The following IGHMBP2 variants were observed in gnomAD, a reference collection of about 807,000 sequenced individuals.
IGHMBP2 encodes the protein DNA-binding protein SMUBP-2.
In IGHMBP2, 81 loss-of-function variants were observed where a neutral mutation model predicts 96.0. The observed-to-expected ratio is 0.84, with a 90% CI of 0.71 to 1.01. The LOEUF (loss-of-function observed/expected upper bound fraction) is 1.01, where lower values mean the gene tolerates loss of function less well. Among genes scored for constraint, IGHMBP2 ranks in the 50% least tolerant of loss-of-function variants. The pLI, the probability that IGHMBP2 is intolerant of heterozygous loss-of-function variation, is 0.00. For synonymous variants in IGHMBP2, 557 were observed against 548.9 expected (o/e 1.01, Z -0.21); for missense variants, 1,227 against 1,306.3 (o/e 0.94, Z 0.94).
In IGHMBP2 at chr11:68,936,582, CTCT is replaced by C. The variant is rs1296458321; in HGVS notation, c.2103_2105del (p.Leu702del). ...GGCCGGAAGAAGCCGGCTGGGAAGT[CTCT>C]GGCCTCTGAAGCTCCATCTCAGCCC... On this transcript the variant is annotated inframe_deletion, in exon 13 of 15. Coordinates refer to ENST00000255078, the MANE Select transcript of IGHMBP2 (RefSeq NM_002180.3). 6.2e-7 allele frequency: 1 copy of C among 1,612,474 alleles called. No homozygotes were observed. Among genetic ancestry groups the C allele is most frequent in the Admixed American group, 1.7e-5 (1 of 59,976 alleles).
intron 7 of IGHMBP2, among the ~76,000 whole-genome samples, chr11:68,924,124 A>T (rs1405857359): frequency 4.6e-5 from 7 of 152,090 alleles, no homozygotes; most frequent in East Asian, 3.9e-4. Flanking sequence ...CAGTTATTTT[A>T]AAAAAATTTT....
At position 68,908,517 on chromosome 11, in the gene IGHMBP2, G is replaced by A. The variant is rs776413057; in HGVS notation, c.450-17G>A. ...CTGAATTGCAGGTGTTCTAATTTTA[G>A]TTTTCTCCCTTGGCAGAGCCCTGAT... is the stretch of plus-strand genomic sequence containing the variant. On this transcript the variant is annotated splice_polypyrimidine_tract_variant and intron_variant, in intron 3 of 14. Transcript: ENST00000255078. The A allele has an allele frequency of 7.5e-6, 12 of 1,606,330 alleles. No homozygotes were observed. In the South Asian group the frequency reaches 1.2e-4, roughly 16 times the overall value.
At position 68,918,439 on chromosome 11, in the gene IGHMBP2, T is replaced by G. The variant is rs537284527; in HGVS notation, c.1060+556T>G. ...GGTGGATCACCTGAGGTCAGGAGTT[T>G]GAGACCTGCCTAGCCAACATGGTGA... is the stretch of plus-strand genomic sequence containing the variant. On this transcript the variant is annotated intron_variant, in intron 7 of 14. Coordinates refer to ENST00000255078, the MANE Select transcript of IGHMBP2 (RefSeq NM_002180.3). Among the ~76,000 whole-genome samples the G allele has an allele frequency of 4.1e-4, 63 of 152,036 alleles. No individual in the cohort carries two copies. The East Asian group carries it at 0.011, about 27-fold the overall frequency.
chr11:68,905,018 G>A (rs1279336504), intron 1 of IGHMBP2, among the ~76,000 whole-genome samples: 1 of 152,022 alleles, frequency 6.6e-6, no homozygotes, highest in Non-Finnish European at 1.5e-5. Flanking sequence ...GGATGGTCTC[G>A]ATCTCCTGAC....
In IGHMBP2 at chr11:68,906,085, A is replaced by G. The variant is rs199586231; in HGVS notation, c.103A>G (p.Ile35Val). ...GTCTTCCAGGTCCTGGCAGGAGAAC[A>G]TCTCTCTGAAAGAGCTCCAGAGCCG... ...VEERRSWQEN[I>V]SLKELQSRGV... The change falls in exon 2 of 15, where the codon ATC (isoleucine) becomes GTC (valine). Residue 35 changes from isoleucine to valine, a missense_variant. Physicochemically the swap from Ile to Val is conservative, Grantham distance 29. Coordinates refer to ENST00000255078, the MANE Select transcript of IGHMBP2 (RefSeq NM_002180.3). 9.7e-5 allele frequency: 156 copies of G among 1,614,150 alleles called. No individual in the cohort carries two copies. The Middle Eastern group carries it at 1.8e-3, about 19-fold the overall frequency.
In IGHMBP2 at chr11:68,934,459, T is replaced by G. The variant is rs747717257; in HGVS notation, c.1538-5T>G. 2.5e-6 allele frequency: 4 copies of G among 1,602,300 alleles called. No homozygotes were observed. Among genetic ancestry groups the G allele is most frequent in the African/African-American group, 1.3e-5 (1 of 74,580 alleles). On this transcript the variant is annotated splice_region_variant and splice_polypyrimidine_tract_variant and intron_variant, in intron 10 of 14. Transcript: ENST00000255078. ...GCTGCTCACCCGTTCTTTCTTTCCC[T>G]CCAGGCGAAGTCCGCCTCGTCAGTT...
intron 5 of IGHMBP2, 50 bp downstream of exon 5, chr11:68,911,653 G>A: frequency 1.3e-6 from 2 of 1,564,354 alleles, no homozygotes; most frequent in South Asian, 2.2e-5. Flanking sequence ...CTCCTGGTCT[G>A]TTGTGTTCAG....
At chr11:68,926,763 A>G (rs185586530) in intron 7 of IGHMBP2, among the ~76,000 whole-genome samples, 4 of 151,690 alleles carry the variant, frequency 2.6e-5, no homozygotes, top group Admixed American at 1.3e-4. Flanking sequence ...CAGTTTATTT[A>G]TTTATTTATT....
chr11:68,912,532 T>A (rs61887151), intron 5 of IGHMBP2, among the ~76,000 whole-genome samples: 33,923 of 151,278 alleles, frequency 0.22, 4,913 homozygotes, highest in Admixed American at 0.4. Flanking sequence ...TTTTTTAATT[T>A]ATTTATTTAT....
Position 68,935,184 on chromosome 11 carries a change from C to T in IGHMBP2, c.1633-115C>T, listed in dbSNP as rs77237270. 1,292 of 1,415,260 alleles carry T rather than the reference C, an allele frequency of 9.1e-4. 13 individuals carry two copies. In the East Asian group the frequency reaches 0.024, roughly 26 times the overall value. The allele number at this position is 1,415,260 out of a possible 1,614,324, so 87.7% of individuals were successfully genotyped here. A position where few individuals can be genotyped will look rare whatever the true frequency, so the allele number is the denominator to read the frequency against. Reference sequence around the variant, plus strand: ...TTCCCCATGGGGCTCCTGCAGGCTCCGCTTCCCAGGTCCTGGCTGTTTCAC... The same window carrying T: ...TTCCCCATGGGGCTCCTGCAGGCTCTGCTTCCCAGGTCCTGGCTGTTTCAC... On this transcript the variant is annotated intron_variant, in intron 11 of 14. Coordinates refer to ENST00000255078, the MANE Select transcript of IGHMBP2 (RefSeq NM_002180.3).
chr11:68,911,328 C>T (rs558394454), intron 4 of IGHMBP2, 112 bp from the exon 5 acceptor site: 21 of 1,058,752 alleles, frequency 2.0e-5, no homozygotes, highest in African/African-American at 1.7e-4. Flanking sequence ...TGGGGAGGTC[C>T]GGCGTGTTCC....
intron 7 of IGHMBP2, among the ~76,000 whole-genome samples, chr11:68,922,929 TAA>T (rs1399503670): frequency 2.0e-5 from 3 of 152,232 alleles, no homozygotes; most frequent in East Asian, 1.9e-4. Flanking sequence ...CATCCAGAAA[TAA>T]GAGTCTTTTT....
chr11:68,933,582 G>T (rs1455262494), intron 9 of IGHMBP2, 101 bp downstream of exon 9: 2 of 1,412,598 alleles, frequency 1.4e-6, no homozygotes, highest in East Asian at 2.5e-5. Context: ...CTTTCTGCAT[G>T]AAAGTCGACT....
chr11:68,917,758 A>G lies in IGHMBP2; in HGVS notation c.935A>G (p.Asp312Gly). Residue 312 changes from aspartate to glycine, a missense_variant, in exon 7 of 15, where the codon GAT becomes GGT. By Grantham distance (94) the Asp-to-Gly change is moderately conservative. Coordinates refer to ENST00000255078, the MANE Select transcript of IGHMBP2 (RefSeq NM_002180.3). ...QVFVKNKKTQDKREKSNFRNE... is the reference protein window; with the variant it reads ...QVFVKNKKTQGKREKSNFRNE... Reference sequence around the variant, plus strand: ...TAGGTGAAAAACAAAAAGACCCAGGATAAGAGAGAGAAAAGTAATTTTCGA... The same window carrying G: ...TAGGTGAAAAACAAAAAGACCCAGGGTAAGAGAGAGAAAAGTAATTTTCGA... The G allele has an allele frequency of 6.2e-7, 1 of 1,613,014 alleles. No individual in the cohort carries two copies. Among genetic ancestry groups the G allele is most frequent in the Non-Finnish European group, 8.5e-7 (1 of 1,179,112 alleles).
At chr11:68,909,093 C>A (rs1280678872) in intron 4 of IGHMBP2, among the ~76,000 whole-genome samples, 1 of 149,984 alleles carries the variant, frequency 6.7e-6, no homozygotes, top group Non-Finnish European at 1.5e-5. Context: ...CCCGCCTTGG[C>A]CTCCCAAAGT....
chr11:68,935,078 C>G (rs1362886294), intron 11 of IGHMBP2, among the ~76,000 whole-genome samples: 1 of 152,240 alleles, frequency 6.6e-6, no homozygotes, highest in Non-Finnish European at 1.5e-5. Context: ...TGTCATAAGC[C>G]AAAAGAAATG....
Position 68,939,707 on chromosome 11 carries a change from C to T in IGHMBP2, c.2958C>T (p.Ser986=), listed in dbSNP as rs754380977. ...GTGAGCTCAGCAACCAGAGGACCAG[C>T]CGGAGGAAGGAGAGGGGGACGTGAC... ...KLSELSNQRT[S]RRKERGT The change falls in exon 15 of 15, where the codon AGC becomes AGT. Residue 986 remains serine (S), a synonymous_variant. Transcript: ENST00000255078. 3.1e-6 allele frequency: 5 copies of T among 1,611,236 alleles called. No homozygotes were observed. The highest frequency in any genetic ancestry group is 1.7e-5 in the Admixed American group (1 of 59,622).
intron 8 of IGHMBP2, among the ~76,000 whole-genome samples, chr11:68,931,015 G>A (rs1859276459): frequency 6.6e-6 from 1 of 152,152 alleles, no homozygotes; most frequent in African/African-American, 2.4e-5. Flanking sequence ...GGGCGGGCCT[G>A]GAATAGGTAC....
At chr11:68,908,377 T>G in intron 3 of IGHMBP2, 40 bp downstream of exon 3, 1 of 1,577,960 alleles carries the variant, frequency 6.3e-7, no homozygotes, top group Non-Finnish European at 8.7e-7. Context: ...ACCATCTTCC[T>G]TCAACACAGC....
Sources: gnomAD v4.1 joint callset for allele counts (sites outside exome capture counted in the v4.1 genomes callset) on GRCh38, gnomAD v4.1.1 for gene constraint, MANE v1.5 for transcripts, NCBI Gene and HGNC (gene_info 2026-07-23, HGNC 2026-07-21) for gene names.